The following ZNF544 variants were observed in gnomAD, a reference collection of about 807,000 sequenced individuals.
ZNF544 encodes the protein zinc finger protein AF020591.
Under a neutral mutation model 13.5 loss-of-function variants are expected in ZNF544, and 10 were observed. That is an observed-to-expected ratio of 0.74 (90% confidence interval 0.46 to 1.25). ZNF544 has a LOEUF of 1.25. Ranked by LOEUF, ZNF544 falls within the 50% of genes most tolerant of loss-of-function variation. The pLI is 0.00. For synonymous variants in ZNF544, 323 were observed against 300.5 expected, an observed-to-expected ratio of 1.07 and a Z score of -0.77; for missense variants, 896 against 845.6, an observed-to-expected ratio of 1.06 and a Z score of -0.74.
chr19:58,275,278 T>C (rs2051128945), intron 5 of ZNF544, among the ~76,000 whole-genome samples: 1 of 152,170 alleles, frequency 6.6e-6, no homozygotes, highest in Non-Finnish European at 1.5e-5. Flanking sequence ...CCCTGAATTC[T>C]TTCCTGTGAT....
At chr19:58,237,415 A>G (rs1436180291) in intron 3 of ZNF544, among the ~76,000 whole-genome samples, 1 of 152,170 alleles carries the variant, frequency 6.6e-6, no homozygotes, top group Non-Finnish European at 1.5e-5. Flanking sequence ...AGGGGCCACA[A>G]GACACTGAGC....
chr19:58,231,257 G>A (rs1167548676), intron 3 of ZNF544, among the ~76,000 whole-genome samples: 1 of 152,170 alleles, frequency 6.6e-6, no homozygotes, highest in African/African-American at 2.4e-5. Context: ...GTGGTAGTGT[G>A]CTTAGGGCCA....
chr19:58,259,989 T>C (rs978094586), intron 6 of ZNF544, among the ~76,000 whole-genome samples: 5 of 152,128 alleles, frequency 3.3e-5, no homozygotes, highest in Non-Finnish European at 7.4e-5. Context: ...TCCCAGCACT[T>C]TGGGAGGCCA....
At chr19:58,243,640 G>A (rs2044403836) in intron 3 of ZNF544, among the ~76,000 whole-genome samples, 1 of 152,138 alleles carries the variant, frequency 6.6e-6, no homozygotes, top group Non-Finnish European at 1.5e-5. Context: ...AACAGCTTAT[G>A]ATCCATTGTG....
intron 3 of ZNF544, among the ~76,000 whole-genome samples, chr19:58,232,582 G>A (rs2041498121): frequency 6.6e-6 from 1 of 151,334 alleles, no homozygotes; most frequent in African/African-American, 2.4e-5. Flanking sequence ...CAACTTCTAG[G>A]CTCAAGCAGT....
At chr19:58,237,454 G>A (rs1486764508) in intron 3 of ZNF544, among the ~76,000 whole-genome samples, 3 of 152,188 alleles carry the variant, frequency 2.0e-5, no homozygotes, top group Non-Finnish European at 2.9e-5. Flanking sequence ...TGCTGGTCCT[G>A]GCAGCCTCTG....
chr19:58,229,849 A>T (rs796313118), intron 2 of ZNF544: 7 of 152,476 alleles, frequency 4.6e-5, no homozygotes, highest in African/African-American at 1.7e-4. Context: ...GGATTTCAAG[A>T]GTCTAAGGGA....
At chr19:58,264,220 C>T (rs1419513253), downstream of ZNF544, 1 of 151,274 alleles carries the variant, frequency 6.6e-6, no homozygotes, top group Non-Finnish European at 1.5e-5. Context: ...ATGGAGAAAC[C>T]CCGTCTCGAC....
At chr19:58,273,575 A>G (rs1226488880) in intron 5 of ZNF544, among the ~76,000 whole-genome samples, 1 of 151,278 alleles carries the variant, frequency 6.6e-6, no homozygotes, top group Non-Finnish European at 1.5e-5. Context: ...CTGTAATCCC[A>G]GCTATTTGGG....
At chr19:58,276,591 C>T (rs891245164) in intron 6 of ZNF544, among the ~76,000 whole-genome samples, 4 of 152,218 alleles carry the variant, frequency 2.6e-5, no homozygotes, top group Non-Finnish European at 5.9e-5. Flanking sequence ...CCTCAGCCTC[C>T]TGAGTATCTG....
chr19:58,240,260 T>C (rs2043279093), intron 3 of ZNF544, among the ~76,000 whole-genome samples: 1 of 151,448 alleles, frequency 6.6e-6, no homozygotes, highest in Non-Finnish European at 1.5e-5. Flanking sequence ...TCTTTTTCTT[T>C]CTTTTTTTTT....
Position 58,243,958 on chromosome 19 carries a change from A to G in ZNF544, c.-59-7A>G. 1 of 1,549,826 alleles carries G rather than the reference A, an allele frequency of 6.5e-7. No homozygotes were observed. Among genetic ancestry groups the G allele is most frequent in the Non-Finnish European group, 8.7e-7 (1 of 1,145,790 alleles). ...GGGGCTGAATCTCTGCTTGTTTTCC[A>G]CCCCAGACTGGTCTTCTGAGGACCT... On this transcript the variant is annotated splice_polypyrimidine_tract_variant and splice_region_variant and intron_variant, in intron 3 of 6. Transcript: ENST00000687789.
chr19:58,237,886 C>T (rs1487795614), intron 3 of ZNF544, among the ~76,000 whole-genome samples: 2 of 152,096 alleles, frequency 1.3e-5, no homozygotes, highest in Non-Finnish European at 2.9e-5. Flanking sequence ...GTTGTGGGGC[C>T]GGGGAGCTGG....
downstream of ZNF544, among the ~76,000 whole-genome samples, chr19:58,265,844 C>CCCAAAGT (rs571372802): frequency 9.9e-4 from 150 of 152,134 alleles, 1 homozygote; most frequent in South Asian, 7.7e-3. Flanking sequence ...GCCTTGGCCT[C>CCCAAAGT]CCAAAGTCCT....
At chr19:58,245,192 G>A (rs371655687) in intron 4 of ZNF544, among the ~76,000 whole-genome samples, 3 of 151,496 alleles carry the variant, frequency 2.0e-5, no homozygotes, top group East Asian at 2.0e-4. Context: ...CACCCATCTC[G>A]GCCTCCCAAA....
intron 5 of ZNF544, among the ~76,000 whole-genome samples, chr19:58,274,170 TTTTA>T (rs1387359012): frequency 1.3e-5 from 2 of 151,822 alleles, no homozygotes; most frequent in Non-Finnish European, 2.9e-5. Flanking sequence ...AATTAATATA[TTTTA>T]TTAATATAAT....
chr19:58,266,069 C>G (rs2049832006), downstream of ZNF544, among the ~76,000 whole-genome samples: 2 of 151,614 alleles, frequency 1.3e-5, no homozygotes, highest in South Asian at 4.2e-4. Context: ...AGCCAGGTGT[C>G]ATGGCATGTG....
chr19:58,236,721 T>C (rs921313519), intron 3 of ZNF544, among the ~76,000 whole-genome samples: 2 of 151,256 alleles, frequency 1.3e-5, no homozygotes, highest in African/African-American at 4.9e-5. Context: ...CCTCCATTTG[T>C]GTGTATGTAT....
chr19:58,268,140 A>T (rs1234714257), downstream of ZNF544, among the ~76,000 whole-genome samples: 1 of 151,920 alleles, frequency 6.6e-6, no homozygotes, highest in Non-Finnish European at 1.5e-5. Context: ...TTTCTACTAA[A>T]AATACAAAAT....
Sources: gnomAD v4.1 joint callset for allele counts (sites outside exome capture counted in the v4.1 genomes callset) on GRCh38, gnomAD v4.1.1 for gene constraint, MANE v1.5 for transcripts, NCBI Gene and HGNC (gene_info 2026-07-23, HGNC 2026-07-21) for gene names.